The following SPATA7 variants were observed in gnomAD, a reference collection of about 807,000 sequenced individuals.
SPATA7 encodes the protein spermatogenesis-associated protein 7.
Under a neutral mutation model 51.8 loss-of-function variants are expected in SPATA7, and 43 were observed. The ratio of observed to expected loss-of-function variants is 0.83; its 90% CI spans 0.65 to 1.07. The LOEUF (loss-of-function observed/expected upper bound fraction) is 1.07. SPATA7 is among the 50% of genes least tolerant of loss of function. The probability of loss-of-function intolerance (pLI) is 0.00; values close to 1 mark genes in which losing one functional copy is unlikely to be tolerated. For synonymous variants in SPATA7, 230 were observed against 252.8 expected, an observed-to-expected ratio of 0.91 and a Z score of 0.86; for missense variants, 683 against 701.3, an observed-to-expected ratio of 0.97 and a Z score of 0.30.
chr14:88,470,255 C>T (rs1049466184), exon 5 of SPATA7: 16 of 585,458 alleles, frequency 2.7e-5, no homozygotes, highest in Non-Finnish European at 4.8e-5. Flanking sequence ...TTTTTATAAA[C>T]TTAGGTACTG....
intron 5 of SPATA7, among the ~76,000 whole-genome samples, chr14:88,425,895 G>A (rs1423146582): frequency 6.6e-6 from 1 of 152,096 alleles, no homozygotes; most frequent in Non-Finnish European, 1.5e-5. Context: ...GAAGGGCATT[G>A]GTGCTCACAA....
intron 4 of SPATA7, among the ~76,000 whole-genome samples, chr14:88,408,590 A>G (rs1437555572): frequency 6.6e-6 from 1 of 152,096 alleles, no homozygotes; most frequent in Non-Finnish European, 1.5e-5. Flanking sequence ...CTATGTGAAT[A>G]CCCTGCATTT....
intron 3 of SPATA7, among the ~76,000 whole-genome samples, chr14:88,444,310 T>C (rs1271428044): frequency 6.6e-6 from 1 of 152,186 alleles, no homozygotes; most frequent in Non-Finnish European, 1.5e-5. Context: ...TCATGTCCTT[T>C]GCCCACTTTT....
chr14:88,459,498 T>C (rs947614739), downstream of SPATA7, among the ~76,000 whole-genome samples: 9 of 152,324 alleles, frequency 5.9e-5, no homozygotes, highest in Admixed American at 3.3e-4. Context: ...CTTTTGATCT[T>C]TGTTGGTTTA....
rs2077124288 is a variant in SPATA7 at position 88,437,590 on chromosome 14, TGGA to T, written c.1214_1215+1del. 1 of 1,609,000 alleles carries T rather than the reference TGGA, an allele frequency of 6.2e-7. No homozygotes were observed. The highest frequency in any genetic ancestry group is 1.3e-5 in the African/African-American group (1 of 74,872). On this transcript the variant is annotated inframe_deletion, in exon 11 of 12. Coordinates refer to ENST00000393545, the MANE Select transcript of SPATA7 (RefSeq NM_018418.5). Reference sequence around the variant, plus strand: ...CGACATATAAAACAAAATAAACATTTGGAGGAGGTTTGTCTTTCCTTATAACTT... The same window carrying T: ...CGACATATAAAACAAAATAAACATTTGGAGGTTTGTCTTTCCTTATAACTT...
downstream of SPATA7, among the ~76,000 whole-genome samples, chr14:88,458,125 T>A (rs1024600089): frequency 1.3e-5 from 2 of 152,188 alleles, no homozygotes; most frequent in African/African-American, 4.8e-5. Context: ...TGGATTCGGT[T>A]TGCCAGTATT....
At position 88,448,574 on chromosome 14, in the gene SPATA7, T is replaced by G. The variant is rs577856197; in HGVS notation, c.178-6486T>G. Among the ~76,000 whole-genome samples, 278 of 152,274 alleles carry G rather than the reference T, an allele frequency of 1.8e-3. 1 individual carries two copies. The highest frequency in any genetic ancestry group is 6.5e-3 in the African/African-American group (268 of 41,540). ...AGGAGAGGCGCTCTGCTTTTTAGAG[T>G]TTCCAGTTTTTCTGCTCTGTTTTTT... On this transcript the variant is annotated intron_variant, in intron 3 of 3. Coordinates refer to the SPATA7 transcript ENST00000554802.
At chr14:88,448,133 A>G (rs2077227034) in intron 3 of SPATA7, among the ~76,000 whole-genome samples, 1 of 152,150 alleles carries the variant, frequency 6.6e-6, no homozygotes, top group African/African-American at 2.4e-5. Context: ...AATCAGACGT[A>G]GATTTGGTCT....
intron 3 of SPATA7, among the ~76,000 whole-genome samples, chr14:88,452,207 C>T (rs2077255666): frequency 6.6e-6 from 1 of 152,098 alleles, no homozygotes; most frequent in Admixed American, 6.5e-5. Flanking sequence ...ATCTAGTCAC[C>T]CAGCAGGGCT....
chr14:88,424,512 T>A (rs2076735723), intron 5 of SPATA7, among the ~76,000 whole-genome samples: 1 of 152,206 alleles, frequency 6.6e-6, no homozygotes, highest in Admixed American at 6.5e-5. Flanking sequence ...AACATTTCTT[T>A]ACAGGCAATC....
At chr14:88,468,510 T>C (rs2077401546) in intron 4 of SPATA7, among the ~76,000 whole-genome samples, 2 of 152,176 alleles carry the variant, frequency 1.3e-5, no homozygotes, top group Non-Finnish European at 1.5e-5. Flanking sequence ...TGACTTTGTA[T>C]GGTTGGACAT....
At chr14:88,463,792 C>A (rs1018812648) in intron 4 of SPATA7, among the ~76,000 whole-genome samples, 1 of 152,110 alleles carries the variant, frequency 6.6e-6, no homozygotes, top group Admixed American at 6.6e-5. Context: ...TCTCTCTACC[C>A]AAGTAGACAT....
chr14:88,385,779 G>T lies in SPATA7; in HGVS notation c.-40G>T. ...CCCGGCCGCGGGAAGGACCGAAGGG[G>T]ATACAGCGTGTCCCTGCGGCGGCTG... is the stretch of plus-strand genomic sequence containing the variant. On this transcript the variant is annotated 5_prime_UTR_variant, in exon 1 of 12. Coordinates refer to ENST00000393545, the MANE Select transcript of SPATA7 (RefSeq NM_018418.5). 1 of 1,586,874 alleles carries T rather than the reference G, an allele frequency of 6.3e-7. No individual in the cohort carries two copies.
In SPATA7 at chr14:88,391,419, T is replaced by G. The variant is rs897607104; in HGVS notation, c.58T>G (p.Cys20Gly). The change falls in exon 2 of 12, where the codon TGC becomes GGC. Residue 20 changes from cysteine (C) to glycine (G), a missense_variant. Transcript: ENST00000393545. ...TGTCCTTCCCAGATATGGTCCACCGTGCCTATTTAAAGGACACTTGAGCAC... is the reference window on the plus strand; with the variant it reads ...TGTCCTTCCCAGATATGGTCCACCGGGCCTATTTAAAGGACACTTGAGCAC... ...TSVLPRYGPP[C>G]LFKGHLSTKS... 18 of 1,613,808 alleles carry G rather than the reference T, an allele frequency of 1.1e-5. No homozygotes were observed. Among genetic ancestry groups the G allele is most frequent in the Non-Finnish European group, 1.5e-5 (18 of 1,179,816 alleles).
chr14:88,448,330 C>G (rs970933280), intron 3 of SPATA7, among the ~76,000 whole-genome samples: 2 of 152,210 alleles, frequency 1.3e-5, no homozygotes, highest in Non-Finnish European at 1.5e-5. Context: ...TGGTTTTCAG[C>G]TCCATCAGCT....
At chr14:88,409,064 AT>A (rs912573436) in intron 4 of SPATA7, among the ~76,000 whole-genome samples, 4 of 151,756 alleles carry the variant, frequency 2.6e-5, no homozygotes, top group Middle Eastern at 3.4e-3. Context: ...TTGGCCTGAA[AT>A]TTTTTTTTCT....
intron 3 of SPATA7, among the ~76,000 whole-genome samples, chr14:88,445,937 C>G (rs1429616664): frequency 6.6e-6 from 1 of 152,140 alleles, no homozygotes; most frequent in African/African-American, 2.4e-5. Flanking sequence ...GGATATTGGT[C>G]TAAAATTCTC....
At chr14:88,397,263 A>G (rs1170524272) in intron 4 of SPATA7, among the ~76,000 whole-genome samples, 1 of 152,114 alleles carries the variant, frequency 6.6e-6, no homozygotes, top group Admixed American at 6.5e-5. Flanking sequence ...AGATTTCCCC[A>G]TGTCCTCCCC....
chr14:88,447,466 A>G (rs2077221928), intron 3 of SPATA7, among the ~76,000 whole-genome samples: 1 of 151,992 alleles, frequency 6.6e-6, no homozygotes, highest in African/African-American at 2.4e-5. Flanking sequence ...TTTTAATTGG[A>G]GCATTTAGTC....
Sources: gnomAD v4.1 joint callset for allele counts (sites outside exome capture counted in the v4.1 genomes callset) on GRCh38, gnomAD v4.1.1 for gene constraint, MANE v1.5 for transcripts, NCBI Gene and HGNC (gene_info 2026-07-23, HGNC 2026-07-21) for gene names.